STK32B: variants seen among roughly 807,000 people sequenced by gnomAD.
STK32B encodes serine/threonine kinase 32B, also known as serine/threonine-protein kinase 32B.
STK32B carries 43 observed loss-of-function variants against 52.6 expected under a neutral mutation model. That is an observed-to-expected ratio of 0.82 (90% CI 0.64 to 1.05). The LOEUF is 1.05. Ranked by LOEUF, STK32B falls within the 50% of genes least tolerant of loss-of-function variation. The pLI, the probability that STK32B is intolerant of heterozygous loss-of-function variation, is 0.00. For synonymous variants in STK32B, 238 were observed against 204.3 expected, an observed-to-expected ratio of 1.17 and a Z score of -1.41; for missense variants, 621 against 534.6, an observed-to-expected ratio of 1.16 and a Z score of -1.59.
At chr4:5,318,668 C>G (rs970450760) in intron 3 of STK32B, among the ~76,000 whole-genome samples, 1 of 152,102 alleles carries the variant, frequency 6.6e-6, no homozygotes, top group Non-Finnish European at 1.5e-5. Context: ...AGAAAAGGTA[C>G]ACAGGTATGA....
intron 3 of STK32B, among the ~76,000 whole-genome samples, chr4:5,210,537 C>T (rs1722844563): frequency 6.6e-6 from 1 of 152,174 alleles, no homozygotes; most frequent in South Asian, 2.1e-4. Flanking sequence ...TTTGTGTCCT[C>T]TTATGGTGTG....
chr4:5,272,656 G>C (rs201954389), intron 3 of STK32B, among the ~76,000 whole-genome samples: 2,616 of 152,106 alleles, frequency 0.017, 37 homozygotes, highest in East Asian at 0.07. Context: ...TAGATCAATG[G>C]AACAGAACAG....
intron 4 of STK32B, among the ~76,000 whole-genome samples, chr4:5,373,750 C>A (rs1735400351): frequency 6.6e-6 from 1 of 152,226 alleles, no homozygotes; most frequent in Admixed American, 6.5e-5. Context: ...TTGACTGATG[C>A]AGTCTTCTCT....
At chr4:5,318,127 G>C (rs573656163) in intron 3 of STK32B, among the ~76,000 whole-genome samples, 222 of 151,896 alleles carry the variant, frequency 1.5e-3, no homozygotes, top group African/African-American at 5.0e-3. Flanking sequence ...GTGCACGCTT[G>C]TGTGAATGCA....
intron 1 of STK32B, among the ~76,000 whole-genome samples, chr4:5,077,338 A>G (rs771806781): frequency 6.7e-5 from 10 of 149,230 alleles, no homozygotes; most frequent in Non-Finnish European, 1.0e-4. Context: ...TTACAGTCCA[A>G]CCCTCTTGGT....
intron 4 of STK32B, among the ~76,000 whole-genome samples, chr4:5,375,953 C>T (rs1385895334): frequency 6.6e-6 from 1 of 152,194 alleles, no homozygotes; most frequent in African/African-American, 2.4e-5. Flanking sequence ...TACCCACTTA[C>T]AGCCTATGCC....
rs186361952 is a variant in STK32B, at chr4:5,202,037, A to G, written c.260+33587A>G. Reference sequence around the variant, plus strand: ...ATTCCAGCATTAACCCAAAAGTCCAAATCCAAAGTCTCATCTGAGACAAGG... The same window carrying G: ...ATTCCAGCATTAACCCAAAAGTCCAGATCCAAAGTCTCATCTGAGACAAGG... On this transcript the variant is annotated intron_variant, in intron 3 of 11. Transcript: ENST00000282908. Among the ~76,000 whole-genome samples, 20 of 152,302 alleles carry G rather than the reference A, an allele frequency of 1.3e-4. No individual in the cohort carries two copies. The East Asian group carries it at 3.7e-3, about 28-fold the overall frequency.
chr4:5,132,722 A>G (rs1298893993), intron 1 of STK32B, among the ~76,000 whole-genome samples: 2 of 152,158 alleles, frequency 1.3e-5, no homozygotes, highest in Non-Finnish European at 2.9e-5. Context: ...TAACCTACCA[A>G]GTATATGGCC....
At chr4:5,333,169 C>G (rs1445270478) in intron 4 of STK32B, among the ~76,000 whole-genome samples, 1 of 152,000 alleles carries the variant, frequency 6.6e-6, no homozygotes, top group Non-Finnish European at 1.5e-5. Flanking sequence ...TGTTTCCTGA[C>G]TTTTTAATGA....
At chr4:5,423,261 G>A (rs1712797131) in intron 6 of STK32B, among the ~76,000 whole-genome samples, 1 of 152,136 alleles carries the variant, frequency 6.6e-6, no homozygotes, top group Non-Finnish European at 1.5e-5. Context: ...GCAGCTGGGT[G>A]TCTTCCACTC....
Position 5,398,259 on chromosome 4 carries a change from A to C in STK32B, c.472+15A>C. On this transcript the variant is annotated intron_variant, in intron 5 of 11. Coordinates refer to ENST00000282908, the MANE Select transcript of STK32B (RefSeq NM_018401.3). This position sits in a 1 kb window ranked among gnomAD's most constrained non-coding sequence, Gnocchi z 4.9. ...GGATGAACACGGTAAGCCTGCTACT[A>C]ATCCTTTACAGGGACTCTCAGTGGA... The C allele has an allele frequency of 6.2e-7, 1 of 1,613,966 alleles. No homozygotes were observed. Among genetic ancestry groups the C allele is most frequent in the Non-Finnish European group, 8.5e-7 (1 of 1,179,956 alleles).
intron 3 of STK32B, among the ~76,000 whole-genome samples, chr4:5,280,670 G>T (rs1411249371): frequency 6.6e-6 from 1 of 152,108 alleles, no homozygotes; most frequent in Non-Finnish European, 1.5e-5. Flanking sequence ...CGAGGTGGGT[G>T]GGTCACTTGA....
At chr4:5,230,691 A>G (rs1724203182) in intron 3 of STK32B, among the ~76,000 whole-genome samples, 1 of 152,198 alleles carries the variant, frequency 6.6e-6, no homozygotes, top group Non-Finnish European at 1.5e-5. Flanking sequence ...TTTGGGCTGG[A>G]GATGTGGTGT....
rs536596293 is a variant in STK32B, at chr4:5,170,851, T to G, written c.260+2401T>G. 2.2e-4 allele frequency among the ~76,000 whole-genome samples: 33 copies of G among 152,308 alleles called. 2 individuals are homozygous for G. The South Asian group carries it at 6.6e-3, about 31-fold the overall frequency. ...GTAATGGGATGGCTGGGTCAAATGGTATTTGTAGTTCTAGATCCCTGAGGA... is the reference window on the plus strand; with the variant it reads ...GTAATGGGATGGCTGGGTCAAATGGGATTTGTAGTTCTAGATCCCTGAGGA... On this transcript the variant is annotated intron_variant, in intron 3 of 11. Coordinates refer to ENST00000282908, the MANE Select transcript of STK32B (RefSeq NM_018401.3).
At chr4:5,029,848 C>T in the STK32B span, among the ~76,000 whole-genome samples, 1 of 152,098 alleles carries the variant, frequency 6.6e-6, no homozygotes, top group Non-Finnish European at 1.5e-5. Flanking sequence ...AATTGTAATC[C>T]CCATAATCTC....
At chr4:5,164,132 G>A (rs1030114752) in intron 2 of STK32B, among the ~76,000 whole-genome samples, 8 of 152,150 alleles carry the variant, frequency 5.3e-5, no homozygotes, top group Non-Finnish European at 1.0e-4. Flanking sequence ...TCCTAAACCA[G>A]GTAGCTTAAA....
At chr4:5,073,883 T>A (rs1316824400) in intron 1 of STK32B, among the ~76,000 whole-genome samples, 1 of 152,056 alleles carries the variant, frequency 6.6e-6, no homozygotes, top group Non-Finnish European at 1.5e-5. Context: ...TGTTTTTTTA[T>A]TCCTGAATTT....
chr4:5,317,381 T>A lies in STK32B; in HGVS notation c.261-13839T>A, dbSNP rs191375607. ...ATATAATGTATATGTATTATATATA[T>A]TACATATATATAATATATATAATGT... On this transcript the variant is annotated intron_variant, in intron 3 of 11. Coordinates refer to ENST00000282908, the MANE Select transcript of STK32B (RefSeq NM_018401.3). Among the ~76,000 whole-genome samples the A allele has an allele frequency of 4.4e-3, 361 of 81,944 alleles. 35 individuals are homozygous for A. The East Asian group carries it at 0.089, about 20-fold the overall frequency. 53.8% of individuals were successfully genotyped at this position (81,944 alleles called of 152,430 possible). A position where few individuals can be genotyped will look rare whatever the true frequency, so the allele number is the denominator to read the frequency against.
At chr4:5,060,535 G>A (rs2108757732) in intron 1 of STK32B, among the ~76,000 whole-genome samples, 1 of 151,670 alleles carries the variant, frequency 6.6e-6, no homozygotes, top group South Asian at 2.1e-4. Flanking sequence ...TACACTTTTT[G>A]GTTTAATTTA....
Sources: allele counts gnomAD v4.1 joint callset (sites outside exome capture counted in the v4.1 genomes callset), GRCh38; gene constraint gnomAD v4.1.1; non-coding constraint Gnocchi (gnomAD v3.1); transcripts MANE v1.5; gene names NCBI Gene and HGNC (gene_info 2026-07-23, HGNC 2026-07-21).